CCDC171: variants seen among roughly 807,000 people sequenced by gnomAD.
The protein encoded by CCDC171 is coiled-coil domain containing 171, also known as coiled-coil domain-containing protein 171.
A neutral mutation model predicts 168.2 loss-of-function variants in CCDC171; 177 were observed. The observed-to-expected ratio is 1.05, with a 90% CI of 0.93 to 1.19. The LOEUF is 1.19. Ranked by LOEUF, CCDC171 falls within the 50% of genes most tolerant of loss-of-function variation. The pLI is 0.00. For missense variants in CCDC171, 1,991 were observed against 1,539.0 expected (o/e 1.29, Z -4.91); for synonymous variants, 687 against 540.8 (o/e 1.27, Z -3.75).
At chr9:15,739,958 C>T (rs894128741) in intron 16 of CCDC171, among the ~76,000 whole-genome samples, 26 of 151,984 alleles carry the variant, frequency 1.7e-4, no homozygotes, top group Non-Finnish European at 1.6e-4. Context: ...AGGATGGTCT[C>T]GATCTCCTGG....
chr9:15,673,356 G>A (rs1051296499), intron 9 of CCDC171, among the ~76,000 whole-genome samples: 4 of 152,036 alleles, frequency 2.6e-5, no homozygotes, highest in African/African-American at 9.7e-5. Context: ...TTTCTCTTGC[G>A]TGATTGCCCT....
At position 15,920,285 on chromosome 9, in the gene CCDC171, T is replaced by C; in HGVS notation, c.3616T>C (p.Phe1206Leu). The C allele has an allele frequency of 1.9e-6, 3 of 1,591,098 alleles. No homozygotes were observed. Among genetic ancestry groups the C allele is most frequent in the Non-Finnish European group, 2.6e-6 (3 of 1,166,366 alleles). The change falls in exon 25 of 26, where the codon TTC (phenylalanine) becomes CTC (leucine). Residue 1206 changes from phenylalanine to leucine, a missense_variant. Physicochemically the swap from Phe to Leu is conservative, Grantham distance 22 (BLOSUM62 0). Coordinates refer to ENST00000380701, the MANE Select transcript of CCDC171 (RefSeq NM_173550.4). ...VVACQAMIKS[F>L]MDVYQLASTR... ...ATTTCTTAAGGCTATGATTAAAAGT[T>C]TCATGGATGTCTACCAGCTTGCAAG...
intron 16 of CCDC171, among the ~76,000 whole-genome samples, chr9:15,740,306 A>G (rs189972893): frequency 6.6e-6 from 1 of 151,818 alleles, no homozygotes; most frequent in Admixed American, 6.6e-5. Context: ...TCTTTTTGCT[A>G]CTGCTTTGAA....
chr9:15,644,513 T>C (rs2046882441), intron 7 of CCDC171, among the ~76,000 whole-genome samples: 1 of 152,146 alleles, frequency 6.6e-6, no homozygotes, highest in Non-Finnish European at 1.5e-5. Context: ...CTGTGACAGA[T>C]GGCACCTGGA....
chr9:15,788,502 G>A (rs2058083115), intron 21 of CCDC171, among the ~76,000 whole-genome samples: 1 of 150,286 alleles, frequency 6.7e-6, no homozygotes. Context: ...TATGGATACA[G>A]AAAAAAAAAA....
intron 18 of CCDC171, among the ~76,000 whole-genome samples, chr9:15,749,861 G>C (rs761505040): frequency 7.2e-5 from 11 of 152,144 alleles, no homozygotes; most frequent in Non-Finnish European, 1.2e-4. Context: ...ATGCCCACAA[G>C]AGAAAGCAGG....
rs550580509 is a variant in CCDC171 at position 15,775,373 on chromosome 9, T to C, written c.2672-2227T>C. On this transcript the variant is annotated intron_variant, in intron 18 of 25. Transcript: ENST00000380701. The stretch of plus-strand genomic sequence containing the variant: ...CCTTATTTGTTTGTTTATTTATTTA[T>C]TCCTTTTTTAAGACAGAGTCTCGCT... 9.8e-5 allele frequency among the ~76,000 whole-genome samples: 15 copies of C among 152,348 alleles called. No individual in the cohort carries two copies. The East Asian group carries it at 2.9e-3, about 29-fold the overall frequency.
intron 18 of CCDC171, among the ~76,000 whole-genome samples, chr9:15,771,505 T>C (rs190878741): frequency 1.9e-4 from 29 of 152,312 alleles, no homozygotes; most frequent in Admixed American, 1.6e-3. Flanking sequence ...TATGATCATA[T>C]TTGGGGGTGT....
intron 23 of CCDC171, among the ~76,000 whole-genome samples, chr9:15,862,572 T>C (rs1365858789): frequency 2.0e-5 from 3 of 152,146 alleles, no homozygotes; most frequent in Non-Finnish European, 4.4e-5. Flanking sequence ...TTTTGGATTA[T>C]GTTTCTCTGT....
rs538002180 is a variant in CCDC171 at position 15,688,436 on chromosome 9, G to C, written c.1216-6799G>C. Among the ~76,000 whole-genome samples the C allele has an allele frequency of 2.3e-3, 353 of 152,168 alleles. 2 individuals carry two copies. Among genetic ancestry groups the C allele is most frequent in the Middle Eastern group, 0.01 (3 of 294 alleles). On this transcript the variant is annotated intron_variant, in intron 10 of 25. Transcript: ENST00000380701. ...TGAAAGAAAAGAAAACTACAGACTA[G>C]CCTCCCTTTTGAATGTAGATGCTAA...
In CCDC171 at chr9:15,725,193, A is replaced by G. The variant is rs147499119; in HGVS notation, c.1692+217A>G. 2.6e-4 allele frequency among the ~76,000 whole-genome samples: 40 copies of G among 152,214 alleles called. No homozygotes were observed. In the East Asian group the frequency reaches 7.7e-3, roughly 29 times the overall value. On this transcript the variant is annotated intron_variant, in intron 14 of 25. Coordinates refer to ENST00000380701, the MANE Select transcript of CCDC171 (RefSeq NM_173550.4). ...CTTGCACAACTAATTTTTTTTGTTT[A>G]TCATGTGTACAACTATCTTTTTGGA...
At chr9:15,630,348 A>G (rs1455718708) in intron 7 of CCDC171, among the ~76,000 whole-genome samples, 3 of 152,198 alleles carry the variant, frequency 2.0e-5, no homozygotes, top group African/African-American at 7.2e-5. Context: ...AAGCAAATGG[A>G]AAATAAAAAA....
intron 24 of CCDC171, among the ~76,000 whole-genome samples, chr9:15,912,019 T>G (rs777958185): frequency 6.6e-6 from 1 of 152,234 alleles, no homozygotes; most frequent in Non-Finnish European, 1.5e-5. Context: ...TCAGATTGTC[T>G]TGGCTGTACA....
intron 25 of CCDC171, among the ~76,000 whole-genome samples, chr9:15,954,139 T>A (rs1829514511): frequency 6.7e-6 from 1 of 148,286 alleles, no homozygotes; most frequent in Admixed American, 6.9e-5. Flanking sequence ...ATTGATTTCC[T>A]CTACTTACTT....
intron 3 of CCDC171, among the ~76,000 whole-genome samples, chr9:15,573,292 T>C (rs150216579): frequency 6.6e-6 from 1 of 152,302 alleles, no homozygotes; most frequent in Non-Finnish European, 1.5e-5. Flanking sequence ...TTTTCTTTTT[T>C]TGAGACGAAG....
intron 1 of CCDC171, among the ~76,000 whole-genome samples, chr9:16,060,332 T>A (rs1833913963): frequency 6.6e-6 from 1 of 152,030 alleles, no homozygotes; most frequent in Non-Finnish European, 1.5e-5. Flanking sequence ...ACCGTGAGGG[T>A]CTTTGCGTGG....
intron 21 of CCDC171, among the ~76,000 whole-genome samples, chr9:15,827,469 C>T (rs997367777): frequency 1.3e-5 from 2 of 152,292 alleles, no homozygotes; most frequent in South Asian, 4.1e-4. Context: ...GCTTTCACTG[C>T]TTTCTAAAAT....
intron 23 of CCDC171, among the ~76,000 whole-genome samples, chr9:15,853,204 C>T (rs991192598): frequency 6.6e-6 from 1 of 151,628 alleles, no homozygotes; most frequent in African/African-American, 2.4e-5. Flanking sequence ...TCTTGCAATT[C>T]ATGAACATAG....
intron 3 of CCDC171, among the ~76,000 whole-genome samples, chr9:15,990,893 G>T (rs1832170385): frequency 6.6e-6 from 1 of 152,090 alleles, no homozygotes; most frequent in Non-Finnish European, 1.5e-5. Context: ...AAATATATAT[G>T]CACCCAATAC....
Sources: allele counts gnomAD v4.1 joint callset (sites outside exome capture counted in the v4.1 genomes callset), GRCh38; gene constraint gnomAD v4.1.1; transcripts MANE v1.5; gene names NCBI Gene and HGNC (gene_info 2026-07-23, HGNC 2026-07-21).